The following ARHGAP10 variants were observed in gnomAD, a reference collection of about 807,000 sequenced individuals.
ARHGAP10 encodes the protein Rho GTPase activating protein 10, also known as rho GTPase-activating protein 10.
In ARHGAP10, 87 loss-of-function variants were observed where a neutral mutation model predicts 108.6. That is an observed-to-expected ratio of 0.80 (90% CI 0.67 to 0.96). The LOEUF (loss-of-function observed/expected upper bound fraction) is 0.96, where lower values mean the gene tolerates loss of function less well. ARHGAP10 is among the 40% of genes least tolerant of loss of function. The pLI is 0.00. For synonymous variants in ARHGAP10, 347 were observed against 341.1 expected (o/e 1.02, Z -0.19); for missense variants, 939 against 954.5 (o/e 0.98, Z 0.21).
intron 10 of ARHGAP10, among the ~76,000 whole-genome samples, chr4:147,887,767 CAGG>C (rs1735629609): frequency 6.6e-6 from 1 of 151,586 alleles, no homozygotes; most frequent in Admixed American, 6.6e-5. Context: ...GAGGCTGAGA[CAGG>C]AGAATTTTTT....
At chr4:147,794,356 T>G (rs997280402) in intron 1 of ARHGAP10, among the ~76,000 whole-genome samples, 1 of 152,256 alleles carries the variant, frequency 6.6e-6, no homozygotes, top group African/African-American at 2.4e-5. Flanking sequence ...TGCAACATAA[T>G]GTTAATTCTC....
chr4:147,732,173 G>A lies in ARHGAP10; in HGVS notation c.-129G>A. 1 of 919,986 alleles carries A rather than the reference G, an allele frequency of 1.1e-6. No individual in the cohort carries two copies. Among genetic ancestry groups the A allele is most frequent in the Non-Finnish European group, 1.5e-6 (1 of 682,402 alleles). The allele number at this position is 919,986 out of a possible 1,614,324, so 57.0% of individuals were successfully genotyped here. A position where few individuals can be genotyped will look rare whatever the true frequency, so the allele number is the denominator to read the frequency against. ...TACGGGACATGTCCGTGCCGCGCTC[G>A]CCGCGCGCCCGGGCCTGCTAGCTCC... On this transcript the variant is annotated 5_prime_UTR_variant, in exon 1 of 23. Transcript: ENST00000336498.
chr4:147,875,228 C>G (rs1252587570), intron 8 of ARHGAP10, 78 bp downstream of exon 8: 42 of 1,419,554 alleles, frequency 3.0e-5, no homozygotes, highest in Non-Finnish European at 2.8e-6. Context: ...CTTGCCATTA[C>G]TGTGACATTT....
chr4:147,751,444 A>G (rs1414137649), intron 1 of ARHGAP10, among the ~76,000 whole-genome samples: 3 of 150,692 alleles, frequency 2.0e-5, no homozygotes, highest in African/African-American at 7.3e-5. Context: ...GCTCACTGCA[A>G]CCTCCGCCTC....
At chr4:147,991,434 G>A (rs1740274774) in intron 18 of ARHGAP10, among the ~76,000 whole-genome samples, 2 of 152,250 alleles carry the variant, frequency 1.3e-5, no homozygotes, top group Non-Finnish European at 2.9e-5. Flanking sequence ...GGGCCTTACG[G>A]AGCTTACTCT....
chr4:147,784,176 T>A (rs187056193), intron 1 of ARHGAP10, among the ~76,000 whole-genome samples: 913 of 82,774 alleles, frequency 0.011, 2 homozygotes, highest in African/African-American at 0.032. Context: ...GTATTATATA[T>A]TTTACATAAC....
chr4:147,867,810 TC>T, intron 7 of ARHGAP10, among the ~76,000 whole-genome samples: 1 of 136,448 alleles, frequency 7.3e-6, no homozygotes, highest in South Asian at 2.3e-4. Context: ...GTTGCAGTGA[TC>T]CGAGACCGTG....
chr4:147,955,952 T>C (rs1738772837), intron 16 of ARHGAP10, among the ~76,000 whole-genome samples: 1 of 152,180 alleles, frequency 6.6e-6, no homozygotes. Context: ...GAATTTTTTG[T>C]GAGTCATACT....
rs1029229874 is a variant in ARHGAP10 at position 148,050,047 on chromosome 4, G to T, written c.2027+2996G>T. Among the ~76,000 whole-genome samples, 4 of 151,994 alleles carry T rather than the reference G, an allele frequency of 2.6e-5. No homozygotes were observed. The South Asian group carries it at 6.2e-4, about 24-fold the overall frequency. ...CGCACTGGCTACTTTTCATATTTTT[G>T]GTAGAGATGGGGTTTCCTCATGTTG... On this transcript the variant is annotated intron_variant, in intron 20 of 22. Coordinates refer to ENST00000336498, the MANE Select transcript of ARHGAP10 (RefSeq NM_024605.4).
chr4:147,820,516 C>A (rs189630824), intron 1 of ARHGAP10, among the ~76,000 whole-genome samples: 1 of 151,312 alleles, frequency 6.6e-6, no homozygotes, highest in East Asian at 1.9e-4. Flanking sequence ...CACCTCCTGA[C>A]CTCAGGTGAT....
At chr4:147,785,083 T>TA (rs368685839) in intron 1 of ARHGAP10, among the ~76,000 whole-genome samples, 16,951 of 118,686 alleles carry the variant, frequency 0.14, 2,157 homozygotes, top group African/African-American at 0.34. Flanking sequence ...GACTATTTTC[T>TA]AAAAAAAAAA....
chr4:147,974,656 T>A (rs961916241), intron 18 of ARHGAP10, among the ~76,000 whole-genome samples: 4 of 152,202 alleles, frequency 2.6e-5, no homozygotes, highest in African/African-American at 7.2e-5. Flanking sequence ...TGCTCTGATG[T>A]TTCATTGATT....
intron 1 of ARHGAP10, among the ~76,000 whole-genome samples, chr4:147,753,834 C>T (rs1231168147): frequency 6.6e-6 from 1 of 152,140 alleles, no homozygotes; most frequent in Non-Finnish European, 1.5e-5. Context: ...AGTATTGAGG[C>T]TGCACCGTTT....
At chr4:148,034,262 T>A (rs1350936283) in intron 19 of ARHGAP10, among the ~76,000 whole-genome samples, 1 of 152,232 alleles carries the variant, frequency 6.6e-6, no homozygotes, top group Non-Finnish European at 1.5e-5. Context: ...TATTTCTGGT[T>A]ATTTTTGTCC....
intron 1 of ARHGAP10, among the ~76,000 whole-genome samples, chr4:147,778,316 G>T (rs1230127667): frequency 3.9e-5 from 6 of 152,088 alleles, no homozygotes; most frequent in Non-Finnish European, 7.4e-5. Flanking sequence ...TAATTGGGGG[G>T]TTATTCTGGG....
At chr4:147,839,142 A>ATCTATCTGTCTGTCTG (rs374128534) in intron 3 of ARHGAP10, among the ~76,000 whole-genome samples, 12 of 117,750 alleles carry the variant, frequency 1.0e-4, no homozygotes, top group African/African-American at 2.6e-4. Flanking sequence ...CTATCTATCT[A>ATCTATCTGTCTGTCTG]TCTGTCTGTC....
At chr4:147,757,422 C>T (rs996464210) in intron 1 of ARHGAP10, among the ~76,000 whole-genome samples, 25 of 152,128 alleles carry the variant, frequency 1.6e-4, no homozygotes, top group Non-Finnish European at 5.9e-5. Context: ...TCTTGAACTC[C>T]TGAGCTCAGG....
chr4:147,834,619 G>C (rs946517167), intron 3 of ARHGAP10, among the ~76,000 whole-genome samples: 1 of 151,864 alleles, frequency 6.6e-6, no homozygotes, highest in African/African-American at 2.4e-5. Flanking sequence ...AGCCTTGTTA[G>C]ACTTACCCCA....
At chr4:147,956,401 C>T (rs1298686362) in intron 16 of ARHGAP10, among the ~76,000 whole-genome samples, 1 of 152,028 alleles carries the variant, frequency 6.6e-6, no homozygotes, top group African/African-American at 2.4e-5. Context: ...TGTGTAGGCC[C>T]CATTAGACTC....
Sources: allele counts gnomAD v4.1 joint callset (sites outside exome capture counted in the v4.1 genomes callset), GRCh38; gene constraint gnomAD v4.1.1; transcripts MANE v1.5; gene names NCBI Gene and HGNC (gene_info 2026-07-23, HGNC 2026-07-21).